Variants in CCDC91 observed in about 807,000 individuals in gnomAD.
The protein encoded by CCDC91 is coiled-coil domain containing 91.
In CCDC91, 48 loss-of-function variants were observed where a neutral mutation model predicts 63.2. That is an observed-to-expected ratio of 0.76 (90% CI 0.60 to 0.97). The LOEUF is 0.97. Ranked by LOEUF, CCDC91 falls within the 50% of genes least tolerant of loss-of-function variation. The pLI is 0.00. For synonymous variants in CCDC91, 167 were observed against 165.8 expected, an observed-to-expected ratio of 1.01 and a Z score of -0.06; for missense variants, 500 against 494.6, an observed-to-expected ratio of 1.01 and a Z score of -0.10.
At chr12:28,311,855 G>GT (rs1242914991) in intron 6 of CCDC91, among the ~76,000 whole-genome samples, 5 of 151,880 alleles carry the variant, frequency 3.3e-5, no homozygotes, top group Admixed American at 2.6e-4. Flanking sequence ...GCCTGTTGGT[G>GT]TTTCCTGGTT....
intron 11 of CCDC91, among the ~76,000 whole-genome samples, chr12:28,476,250 G>T (rs1951083559): frequency 1.3e-5 from 2 of 152,032 alleles, no homozygotes; most frequent in South Asian, 4.1e-4. Flanking sequence ...AAATGCAAAA[G>T]AACAGAAATA....
At chr12:28,428,417 A>G (rs1304551423) in intron 8 of CCDC91, among the ~76,000 whole-genome samples, 1 of 151,858 alleles carries the variant, frequency 6.6e-6, no homozygotes, top group African/African-American at 2.4e-5. Flanking sequence ...CTAAAAATAC[A>G]AAATTAGCCA....
In CCDC91 at chr12:28,240,581, C is replaced by T. The variant is rs530857409; in HGVS notation, c.-14-16621C>T. On this transcript the variant is annotated intron_variant, in intron 1 of 12. Transcript: ENST00000536442. Reference sequence around the variant, plus strand: ...GTCAAAACACATTTTAAAAGAGACACGTTTAAAGTTTTTTTTATATAAATG... The same window carrying T: ...GTCAAAACACATTTTAAAAGAGACATGTTTAAAGTTTTTTTTATATAAATG... Among the ~76,000 whole-genome samples the T allele has an allele frequency of 1.7e-3, 260 of 151,446 alleles. 1 individual carries two copies. The highest frequency in any genetic ancestry group is 5.4e-3 in the African/African-American group (224 of 41,320).
Position 28,450,330 on chromosome 12 carries a change from A to G in CCDC91, c.856-20A>G, listed in dbSNP as rs372753030. On this transcript the variant is annotated intron_variant, in intron 9 of 12. Transcript: ENST00000536442. ...AAATAATACATTTAATGTCTTTCCA[A>G]CTGTTTTATCATTTGACAGGAAATA... is the stretch of plus-strand genomic sequence containing the variant. 5 of 1,606,894 alleles carry G rather than the reference A, an allele frequency of 3.1e-6. No homozygotes were observed. The highest frequency in any genetic ancestry group is 4.3e-6 in the Non-Finnish European group (5 of 1,173,894).
chr12:28,285,645 GA>G (rs1473739834), intron 3 of CCDC91, among the ~76,000 whole-genome samples: 4 of 106,168 alleles, frequency 3.8e-5, no homozygotes, highest in Non-Finnish European at 6.2e-5. Flanking sequence ...ATACTTAGAT[GA>G]ACCCTGCCAG....
chr12:28,440,987 G>A (rs1949158036), intron 8 of CCDC91, among the ~76,000 whole-genome samples: 1 of 147,082 alleles, frequency 6.8e-6, no homozygotes, highest in Admixed American at 6.9e-5. Context: ...GAATCCGGGA[G>A]GTGGAGGTTG....
intron 1 of CCDC91, among the ~76,000 whole-genome samples, chr12:28,247,628 G>A (rs1945841568): frequency 6.6e-6 from 1 of 152,176 alleles, no homozygotes; most frequent in African/African-American, 2.4e-5. Flanking sequence ...GCAGAGTACT[G>A]TTTTGGAGTT....
At chr12:28,491,880 TGTGTGTG>T (rs1952026177) in intron 12 of CCDC91, among the ~76,000 whole-genome samples, 1 of 150,658 alleles carries the variant, frequency 6.6e-6, no homozygotes, top group Admixed American at 6.7e-5. Flanking sequence ...TGTGTGTGTG[TGTGTGTG>T]TGTGTGTGTG....
At chr12:28,196,234 G>C (rs1165444787) in intron 1 of CCDC91, among the ~76,000 whole-genome samples, 1 of 152,100 alleles carries the variant, frequency 6.6e-6, no homozygotes, top group African/African-American at 2.4e-5. Flanking sequence ...TATGTTGTTT[G>C]GTTCTGTTGT....
At chr12:28,238,435 C>T (rs1030210581) in intron 1 of CCDC91, among the ~76,000 whole-genome samples, 1 of 151,930 alleles carries the variant, frequency 6.6e-6, no homozygotes, top group Admixed American at 6.6e-5. Flanking sequence ...TGGCAAGAAC[C>T]TAAGGAAAGA....
intron 3 of CCDC91, among the ~76,000 whole-genome samples, chr12:28,295,751 A>T (rs1404604014): frequency 2.6e-5 from 4 of 152,042 alleles, no homozygotes; most frequent in African/African-American, 9.7e-5. Flanking sequence ...TTTCTTAAGG[A>T]TCTAGTTTCC....
intron 6 of CCDC91, among the ~76,000 whole-genome samples, chr12:28,319,874 T>G (rs1940301013): frequency 6.6e-6 from 1 of 150,646 alleles, no homozygotes; most frequent in Non-Finnish European, 1.5e-5. Flanking sequence ...TCCTAATACT[T>G]TTTTACCCCC....
chr12:28,471,772 TG>T (rs1304110996), intron 11 of CCDC91, among the ~76,000 whole-genome samples: 1 of 151,946 alleles, frequency 6.6e-6, no homozygotes, highest in Non-Finnish European at 1.5e-5. Context: ...TTTTTTGAAA[TG>T]GGGTCTTGAT....
At position 28,386,210 on chromosome 12, in the gene CCDC91, G is replaced by T. The variant is rs567414530; in HGVS notation, c.655-5094G>T. ...TCAATAAATATTGGTACTGTTGATAGTATATATTTATGTAATATCAGTTTT... is the reference window on the plus strand; with the variant it reads ...TCAATAAATATTGGTACTGTTGATATTATATATTTATGTAATATCAGTTTT... On this transcript the variant is annotated intron_variant, in intron 7 of 12. Coordinates refer to ENST00000536442, the MANE Select transcript of CCDC91 (RefSeq NM_018318.5). 9.2e-5 allele frequency among the ~76,000 whole-genome samples: 14 copies of T among 152,152 alleles called. 1 individual carries two copies. The highest frequency in any genetic ancestry group is 3.4e-4 in the African/African-American group (14 of 41,502).
chr12:28,257,154 A>G lies in CCDC91; in HGVS notation c.-14-48A>G. The G allele has an allele frequency of 4.5e-6, 5 of 1,108,984 alleles. No individual in the cohort carries two copies. The South Asian group carries it at 6.4e-5, about 14-fold the overall frequency. 68.7% of individuals were successfully genotyped at this position (1,108,984 alleles called of 1,614,324 possible). A position where few individuals can be genotyped will look rare whatever the true frequency, so the allele number is the denominator to read the frequency against. On this transcript the variant is annotated intron_variant, in intron 1 of 12. Coordinates refer to ENST00000536442, the MANE Select transcript of CCDC91 (RefSeq NM_018318.5). The stretch of plus-strand genomic sequence containing the variant: ...TTTAAGTTGGAGAGTATTTTGACAT[A>G]AATGACTGTGTGTGTGCGGGCTTGT...
intron 6 of CCDC91, among the ~76,000 whole-genome samples, chr12:28,338,255 G>T (rs1206504231): frequency 7.5e-5 from 5 of 67,032 alleles, no homozygotes; most frequent in Non-Finnish European, 1.9e-4. Flanking sequence ...GGCCCTTATG[G>T]ATCTTTTTTT....
chr12:28,362,857 A>G (rs1433770729), intron 7 of CCDC91, among the ~76,000 whole-genome samples: 1 of 152,068 alleles, frequency 6.6e-6, no homozygotes, highest in Non-Finnish European at 1.5e-5. Context: ...GGCATGAAAT[A>G]TATCAGAAAA....
rs1444082198 is a variant in CCDC91 at position 28,305,637 on chromosome 12, G to T, written c.110-12G>T. The T allele has an allele frequency of 1.3e-6, 2 of 1,596,526 alleles. No individual in the cohort carries two copies. The highest frequency in any genetic ancestry group is 1.1e-5 in the South Asian group (1 of 88,208). On this transcript the variant is annotated splice_polypyrimidine_tract_variant and intron_variant, in intron 3 of 12. Coordinates refer to ENST00000536442, the MANE Select transcript of CCDC91 (RefSeq NM_018318.5). Reference sequence around the variant, plus strand: ...TAATCCTATCCTTTTTGTTGTTGTTGTTTTTCTTTAGTATCTGGAGTCCAT... The same window carrying T: ...TAATCCTATCCTTTTTGTTGTTGTTTTTTTTCTTTAGTATCTGGAGTCCAT...
Position 28,305,671 on chromosome 12 carries a change from A to G in CCDC91, c.132A>G (p.Pro44=), listed in dbSNP as rs1199728297. Residue 44 remains proline (P), a synonymous_variant, in exon 4 of 13, where the codon CCA becomes CCG. Coordinates refer to ENST00000536442, the MANE Select transcript of CCDC91 (RefSeq NM_018318.5). ...FPAVSGVHLS[P]SSPEIVLDRD... is the part of the protein sequence containing the mutation. ...TAGTATCTGGAGTCCATCTTTCACC[A>G]TCTTCTCCTGAGATTGTACTGGACC... 5 of 1,611,958 alleles carry G rather than the reference A, an allele frequency of 3.1e-6. No homozygotes were observed. Among genetic ancestry groups the G allele is most frequent in the Non-Finnish European group, 4.2e-6 (5 of 1,178,906 alleles).
Sources: allele counts gnomAD v4.1 joint callset (sites outside exome capture counted in the v4.1 genomes callset), GRCh38; gene constraint gnomAD v4.1.1; transcripts MANE v1.5; gene names NCBI Gene and HGNC (gene_info 2026-07-23, HGNC 2026-07-21).